RBFOX1: variants seen among roughly 807,000 people sequenced by gnomAD.
RBFOX1 encodes RNA binding fox-1 homolog 1.
Under a neutral mutation model 57.7 loss-of-function variants are expected in RBFOX1, and 8 were observed. The observed-to-expected ratio is 0.14, with a 90% CI of 0.08 to 0.25. The LOEUF is 0.25. RBFOX1 is among the 10% of genes least tolerant of loss of function. The probability of loss-of-function intolerance (pLI) is 1.00; values close to 1 mark genes in which losing one functional copy is unlikely to be tolerated. For synonymous variants in RBFOX1, 326 were observed against 222.4 expected, an observed-to-expected ratio of 1.47 and a Z score of -4.15; for missense variants, 611 against 548.5, an observed-to-expected ratio of 1.11 and a Z score of -1.14.
intron 4 of RBFOX1, among the ~76,000 whole-genome samples, chr16:7,238,539 C>T (rs1031555898): frequency 4.1e-4 from 59 of 144,198 alleles, no homozygotes; most frequent in Admixed American, 1.0e-3. Context: ...GGGCTACACA[C>T]GCACCTTTAG....
intron 4 of RBFOX1, chr16:7,304,385 T>G: frequency 2.0e-6 from 2 of 984,988 alleles, no homozygotes; most frequent in Non-Finnish European, 2.4e-6. Flanking sequence ...CAGAGAGACA[T>G]GATGCAGCAT....
At chr16:5,616,547 TCTCC>T (rs1334737733) in intron 3 of RBFOX1, among the ~76,000 whole-genome samples, 2 of 150,056 alleles carry the variant, frequency 1.3e-5, no homozygotes, top group African/African-American at 4.9e-5. Flanking sequence ...TTCCCTTTCC[TCTCC>T]CTCCTCCTCC....
intron 2 of RBFOX1, among the ~76,000 whole-genome samples, chr16:6,358,993 G>T (rs1280225064): frequency 6.6e-6 from 1 of 152,154 alleles, no homozygotes; most frequent in Non-Finnish European, 1.5e-5. Context: ...ATAGAAGGTA[G>T]CTGGTTTGGT....
intron 3 of RBFOX1, among the ~76,000 whole-genome samples, chr16:6,894,514 C>G (rs1326002819): frequency 6.6e-6 from 1 of 152,186 alleles, no homozygotes; most frequent in Non-Finnish European, 1.5e-5. Flanking sequence ...TTCACACCTG[C>G]TCTCCATCCC....
At position 5,406,822 on chromosome 16, in the gene RBFOX1, C is replaced by T. The variant is rs491975; in HGVS notation, c.220-60394C>T. ...TACAATTCAGTAGAGGGGAGACAGA[C>T]GGCAGGCACATAGTCAGATCCGTGG... On this transcript the variant is annotated intron_variant, in intron 1 of 2. Transcript: ENST00000585867. 5.2e-3 allele frequency among the ~76,000 whole-genome samples: 787 copies of T among 152,200 alleles called. 12 individuals are homozygous for T. The highest frequency in any genetic ancestry group is 0.018 in the African/African-American group (763 of 41,526).
intron 3 of RBFOX1, among the ~76,000 whole-genome samples, chr16:6,674,469 C>A (rs1017899728): frequency 6.6e-6 from 1 of 151,992 alleles, no homozygotes; most frequent in African/African-American, 2.4e-5. Context: ...TTATAGGCAC[C>A]TGTCACCATG....
At chr16:6,152,452 G>C (rs1024565081) in intron 1 of RBFOX1, among the ~76,000 whole-genome samples, 1 of 152,182 alleles carries the variant, frequency 6.6e-6, no homozygotes, top group Non-Finnish European at 1.5e-5. Context: ...CAGGAAAGCT[G>C]CCATAATTCA....
intron 2 of RBFOX1, among the ~76,000 whole-genome samples, chr16:6,345,961 C>A (rs541425059): frequency 6.6e-6 from 1 of 152,056 alleles, no homozygotes; most frequent in Non-Finnish European, 1.5e-5. Flanking sequence ...AGACTCAAAG[C>A]GGGGAGGGGG....
At chr16:5,484,780 C>T (rs1485711581) in intron 2 of RBFOX1, among the ~76,000 whole-genome samples, 8 of 151,600 alleles carry the variant, frequency 5.3e-5, no homozygotes, top group Non-Finnish European at 4.4e-5. Flanking sequence ...GGCGTGGTGG[C>T]GGGCACCTGT....
chr16:6,232,896 C>G (rs1487182656), intron 1 of RBFOX1, among the ~76,000 whole-genome samples: 2 of 152,108 alleles, frequency 1.3e-5, no homozygotes, highest in Non-Finnish European at 2.9e-5. Flanking sequence ...CATGTCCAGT[C>G]TCTTCTGTGA....
intron 2 of RBFOX1, among the ~76,000 whole-genome samples, chr16:6,458,779 G>C (rs2094838341): frequency 6.6e-6 from 1 of 152,170 alleles, no homozygotes; most frequent in Non-Finnish European, 1.5e-5. Flanking sequence ...CGACAGAGTT[G>C]CATGTAAAAT....
chr16:5,403,793 C>T lies in RBFOX1; in HGVS notation c.220-63423C>T, dbSNP rs551114399. ...TGGTGCTAAAGAAAGGAAAAATCCC[C>T]ACTGCTCTATTCAGTGATTTCCTGC... On this transcript the variant is annotated intron_variant, in intron 1 of 2. Transcript: ENST00000585867. Among the ~76,000 whole-genome samples, 83 of 152,240 alleles carry T rather than the reference C, an allele frequency of 5.5e-4. 1 individual carries two copies. The South Asian group carries it at 0.017, about 31-fold the overall frequency.
intron 3 of RBFOX1, among the ~76,000 whole-genome samples, chr16:5,848,818 G>A (rs1035845941): frequency 6.6e-6 from 1 of 151,926 alleles, no homozygotes; most frequent in Non-Finnish European, 1.5e-5. Context: ...GCATGGTGGC[G>A]GACACCTGTA....
intron 3 of RBFOX1, among the ~76,000 whole-genome samples, chr16:6,727,788 G>T (rs976964959): frequency 6.6e-6 from 1 of 152,086 alleles, no homozygotes; most frequent in African/African-American, 2.4e-5. Flanking sequence ...GTTTTGTCAG[G>T]CATTTGAGGT....
chr16:6,338,823 G>T (rs2084124200), intron 2 of RBFOX1, among the ~76,000 whole-genome samples: 1 of 152,200 alleles, frequency 6.6e-6, no homozygotes, highest in Admixed American at 6.5e-5. Flanking sequence ...CTGTAGAAAT[G>T]TATCCAAAGG....
intron 2 of RBFOX1, among the ~76,000 whole-genome samples, chr16:6,575,665 C>G: frequency 6.6e-6 from 1 of 152,196 alleles, no homozygotes; most frequent in Non-Finnish European, 1.5e-5. Flanking sequence ...TGAGACCAGA[C>G]TGATCAATGT....
chr16:5,961,349 G>C (rs2059743883), intron 4 of RBFOX1, among the ~76,000 whole-genome samples: 2 of 152,034 alleles, frequency 1.3e-5, no homozygotes, highest in Admixed American at 6.6e-5. Context: ...CAAGGTACTT[G>C]CTTGAGCTTC....
intron 4 of RBFOX1, among the ~76,000 whole-genome samples, chr16:7,500,344 C>T (rs77438238): frequency 0.014 from 2,174 of 152,216 alleles, 54 homozygotes; most frequent in African/African-American, 0.049. Context: ...TGTGCTTCTG[C>T]TTAGTTGGGT....
chr16:5,534,003 T>G (rs2044590699), intron 2 of RBFOX1, among the ~76,000 whole-genome samples: 1 of 152,098 alleles, frequency 6.6e-6, no homozygotes, highest in South Asian at 2.1e-4. Flanking sequence ...AGGGTCAGTG[T>G]CCCCAAATCA....
Sources: allele counts gnomAD v4.1 joint callset (sites outside exome capture counted in the v4.1 genomes callset), GRCh38; gene constraint gnomAD v4.1.1; transcripts MANE v1.5; gene names NCBI Gene and HGNC (gene_info 2026-07-23, HGNC 2026-07-21).